MPP7: variants seen among roughly 807,000 people sequenced by gnomAD.
MPP7 encodes the protein MAGUK p55 subfamily member 7.
A neutral mutation model predicts 76.5 loss-of-function variants in MPP7; 60 were observed. That is an observed-to-expected ratio of 0.78 (90% confidence interval 0.64 to 0.97). The LOEUF is 0.97. MPP7 is among the 50% of genes least tolerant of loss of function. The probability of loss-of-function intolerance (pLI) is 0.00; values close to 1 mark genes in which losing one functional copy is unlikely to be tolerated. For missense variants in MPP7, 641 were observed against 694.0 expected, an observed-to-expected ratio of 0.92 and a Z score of 0.86; for synonymous variants, 237 against 244.5, an observed-to-expected ratio of 0.97 and a Z score of 0.29.
chr10:28,217,830 G>A (rs1422461524), intron 2 of MPP7, among the ~76,000 whole-genome samples: 2 of 152,156 alleles, frequency 1.3e-5, no homozygotes, highest in Non-Finnish European at 2.9e-5. Flanking sequence ...ATAGAGAACC[G>A]TCTTTTCATC....
chr10:28,277,936 G>A (rs188334801), intron 1 of MPP7, among the ~76,000 whole-genome samples: 30 of 152,112 alleles, frequency 2.0e-4, no homozygotes, highest in Middle Eastern at 3.4e-3. Context: ...AAAAGTGGAC[G>A]TATTTTTCCA....
At chr10:28,145,969 A>G (rs1306501709) in intron 5 of MPP7, among the ~76,000 whole-genome samples, 1 of 152,188 alleles carries the variant, frequency 6.6e-6, no homozygotes, top group Non-Finnish European at 1.5e-5. Context: ...ACACTCTTGA[A>G]CCAAATACCA....
At chr10:28,136,160 T>C (rs1385381264) in intron 5 of MPP7, among the ~76,000 whole-genome samples, 1 of 151,810 alleles carries the variant, frequency 6.6e-6, no homozygotes, top group East Asian at 1.9e-4. Flanking sequence ...TGGGATCATC[T>C]AGTTGCAGGA....
chr10:28,276,428 A>G (rs1393953730), intron 1 of MPP7, among the ~76,000 whole-genome samples: 1 of 152,132 alleles, frequency 6.6e-6, no homozygotes, highest in Non-Finnish European at 1.5e-5. Context: ...TACCAAAGTA[A>G]TCTAATATAG....
chr10:28,193,074 T>C (rs1457820103), intron 3 of MPP7, among the ~76,000 whole-genome samples: 3 of 152,222 alleles, frequency 2.0e-5, no homozygotes, highest in South Asian at 2.1e-4. Context: ...CATTTTAATC[T>C]AGACATAGAA....
At chr10:28,075,884 C>G (rs1262283239) in intron 12 of MPP7, among the ~76,000 whole-genome samples, 1 of 152,188 alleles carries the variant, frequency 6.6e-6, no homozygotes. Flanking sequence ...ATGCCTTCTG[C>G]CTTATTCAAC....
At chr10:28,150,517 T>C (rs988078362) in intron 3 of MPP7, among the ~76,000 whole-genome samples, 3 of 152,206 alleles carry the variant, frequency 2.0e-5, no homozygotes, top group South Asian at 2.1e-4. Context: ...ATGGAATCAC[T>C]GTCAAGAGGG....
At chr10:28,148,010 T>C (rs778672868) in intron 4 of MPP7, among the ~76,000 whole-genome samples, 2 of 152,156 alleles carry the variant, frequency 1.3e-5, no homozygotes, top group African/African-American at 2.4e-5. Context: ...AAACCCACAG[T>C]AGCTGTGCTG....
intron 1 of MPP7, among the ~76,000 whole-genome samples, chr10:28,245,382 C>A (rs1839399743): frequency 6.6e-6 from 1 of 152,054 alleles, no homozygotes; most frequent in South Asian, 2.1e-4. Flanking sequence ...AGAATGGAAC[C>A]CATATCATCA....
At chr10:28,217,606 A>G (rs547640949) in intron 2 of MPP7, among the ~76,000 whole-genome samples, 51 of 151,934 alleles carry the variant, frequency 3.4e-4, no homozygotes, top group Non-Finnish European at 6.5e-4. Context: ...AAAGTCACAA[A>G]AAAAGGCTTT....
At chr10:28,075,970 T>C (rs1463782819) in intron 12 of MPP7, among the ~76,000 whole-genome samples, 1 of 152,232 alleles carries the variant, frequency 6.6e-6, no homozygotes, top group African/African-American at 2.4e-5. Context: ...ATGATGCTAT[T>C]ATGCAGGTGA....
At chr10:28,156,843 A>G (rs1564664434) in intron 3 of MPP7, among the ~76,000 whole-genome samples, 1 of 152,226 alleles carries the variant, frequency 6.6e-6, no homozygotes. Context: ...AGAAAGTTCT[A>G]TCTTTGGTGA....
chr10:28,145,024 C>T (rs1278012829), intron 5 of MPP7, among the ~76,000 whole-genome samples: 1 of 152,178 alleles, frequency 6.6e-6, no homozygotes, highest in Non-Finnish European at 1.5e-5. Flanking sequence ...CACAATTCTC[C>T]TGCCTCAGCC....
chr10:28,157,549 T>C (rs1278859044), intron 3 of MPP7, among the ~76,000 whole-genome samples: 1 of 152,246 alleles, frequency 6.6e-6, no homozygotes, highest in Non-Finnish European at 1.5e-5. Flanking sequence ...CTTTGGTGGC[T>C]TGCCATTGCT....
At position 28,238,663 on chromosome 10, in the gene MPP7, G is replaced by A. The variant is rs979877722; in HGVS notation, c.-59C>T. On this transcript the variant is annotated 5_prime_UTR_variant, in exon 2 of 17. Coordinates refer to ENST00000683449, the MANE Select transcript of MPP7 (RefSeq NM_001318170.2). Reference sequence around the variant, plus strand: ...TCTCCGGACACCCTGCCTTCGGACAGCCACAGGGAATTCCAATTCAACAGC... The same window carrying A: ...TCTCCGGACACCCTGCCTTCGGACAACCACAGGGAATTCCAATTCAACAGC... 1 of 1,578,392 alleles carries A rather than the reference G, an allele frequency of 6.3e-7. No homozygotes were observed. The highest frequency in any genetic ancestry group is 8.7e-7 in the Non-Finnish European group (1 of 1,149,082).
At chr10:28,059,825 T>A in intron 13 of MPP7, 82 bp from the exon 14 acceptor site, 2 of 929,132 alleles carry the variant, frequency 2.2e-6, no homozygotes, top group Non-Finnish European at 1.7e-6. Flanking sequence ...CAAGGGTATT[T>A]AATTAGTTTT....
In MPP7 at chr10:28,120,330, C is replaced by G; in HGVS notation, c.751G>C (p.Glu251Gln). Residue 251 changes from glutamate (E) to glutamine (Q), a missense_variant, in exon 10 of 17, where the codon GAA becomes CAA. Physicochemically the swap from Glu to Gln is conservative, Grantham distance 29. Transcript: ENST00000683449. ...PNEDKAIPCK[E>Q]AGLSFKKGDI... ...CCCTTTTTGAAAGAAAGCCCAGCTT[C>G]CTTACATGGAATTGCCTTATCCTCA... The G allele has an allele frequency of 6.2e-7, 1 of 1,613,890 alleles. No individual in the cohort carries two copies. Among genetic ancestry groups the G allele is most frequent in the Non-Finnish European group, 8.5e-7 (1 of 1,179,896 alleles).
rs373590778 is a variant in MPP7 at position 28,082,724 on chromosome 10, C to T, written c.1123+6947G>A. Reference sequence around the variant, plus strand: ...CCTCCAGCACTCTCCCTGCCTCAGCCTCCCTCAGCGCTGGGAATTCAGGTG... The same window carrying T: ...CCTCCAGCACTCTCCCTGCCTCAGCTTCCCTCAGCGCTGGGAATTCAGGTG... On this transcript the variant is annotated intron_variant, in intron 12 of 16. Coordinates refer to ENST00000683449, the MANE Select transcript of MPP7 (RefSeq NM_001318170.2). Among the ~76,000 whole-genome samples, 116 of 152,312 alleles carry T rather than the reference C, an allele frequency of 7.6e-4. 4 individuals are homozygous for T. In the South Asian group the frequency reaches 0.023, roughly 31 times the overall value.
intron 11 of MPP7, among the ~76,000 whole-genome samples, chr10:28,096,264 T>C (rs1445456124): frequency 2.0e-5 from 3 of 152,200 alleles, no homozygotes; most frequent in Non-Finnish European, 4.4e-5. Context: ...AATATCAATA[T>C]CCATTCCCAC....
Sources: allele counts gnomAD v4.1 joint callset (sites outside exome capture counted in the v4.1 genomes callset), GRCh38; gene constraint gnomAD v4.1.1; transcripts MANE v1.5; gene names NCBI Gene and HGNC (gene_info 2026-07-23, HGNC 2026-07-21).